NAALADL2: variants seen among roughly 807,000 people sequenced by gnomAD.
NAALADL2 encodes the protein inactive N-acetylated-alpha-linked acidic dipeptidase-like protein 2.
Under a neutral mutation model 87.2 loss-of-function variants are expected in NAALADL2, and 76 were observed. That is an observed-to-expected ratio of 0.87 (90% CI 0.72 to 1.05). The LOEUF (loss-of-function observed/expected upper bound fraction) is 1.05. NAALADL2 is among the 50% of genes least tolerant of loss of function. The probability of loss-of-function intolerance (pLI) is 0.00; values close to 1 mark genes in which losing one functional copy is unlikely to be tolerated. For missense variants in NAALADL2, 1,089 were observed against 945.8 expected, an observed-to-expected ratio of 1.15 and a Z score of -1.99; for synonymous variants, 354 against 331.0, an observed-to-expected ratio of 1.07 and a Z score of -0.75.
At chr3:174,938,987 T>C (rs9854412) in intron 1 of NAALADL2, among the ~76,000 whole-genome samples, 36,455 of 152,092 alleles carry the variant, frequency 0.24, 5,094 homozygotes, top group East Asian at 0.48. Flanking sequence ...TGTACTCTTT[T>C]GCTGTGCAGA....
At chr3:175,083,937 A>G (rs1271385027) in intron 1 of NAALADL2, among the ~76,000 whole-genome samples, 2 of 152,212 alleles carry the variant, frequency 1.3e-5, no homozygotes, top group African/African-American at 4.8e-5. Flanking sequence ...ACAAATTAAG[A>G]ACTGAACCTG....
chr3:175,136,996 A>C (rs1004122838), intron 2 of NAALADL2, among the ~76,000 whole-genome samples: 5 of 151,996 alleles, frequency 3.3e-5, no homozygotes, highest in African/African-American at 1.2e-4. Context: ...CCCTTGATAA[A>C]CCCCCAATTA....
At chr3:175,165,065 C>T (rs752195332) in intron 2 of NAALADL2, among the ~76,000 whole-genome samples, 1 of 152,124 alleles carries the variant, frequency 6.6e-6, no homozygotes, top group Non-Finnish European at 1.5e-5. Flanking sequence ...GGTGAATGTG[C>T]TATATCTGTC....
intron 11 of NAALADL2, chr3:175,676,581 G>A (rs1010821672): frequency 2.6e-5 from 4 of 151,544 alleles, no homozygotes; most frequent in African/African-American, 9.7e-5. Context: ...TAACTTTCTT[G>A]CTTCTGTGTA....
chr3:175,558,819 T>C (rs2149509852), intron 9 of NAALADL2, among the ~76,000 whole-genome samples: 1 of 152,356 alleles, frequency 6.6e-6, no homozygotes, highest in East Asian at 1.9e-4. Flanking sequence ...ATGTTTTCAT[T>C]ACTATAACTC....
chr3:174,902,117 C>T (rs1191142020), intron 1 of NAALADL2, among the ~76,000 whole-genome samples: 4 of 152,116 alleles, frequency 2.6e-5, no homozygotes, highest in African/African-American at 9.7e-5. Flanking sequence ...GTTGCTGATG[C>T]TGCTAGTTTG....
At chr3:174,719,122 C>A (rs1360410537) in intron 2 of NAALADL2, among the ~76,000 whole-genome samples, 1 of 152,154 alleles carries the variant, frequency 6.6e-6, no homozygotes, top group African/African-American at 2.4e-5. Flanking sequence ...TTTGCTCTAA[C>A]ATCCTGTAAT....
chr3:174,537,771 T>C (rs1056965974), intron 1 of NAALADL2, among the ~76,000 whole-genome samples: 3 of 152,184 alleles, frequency 2.0e-5, no homozygotes, highest in Non-Finnish European at 4.4e-5. Context: ...TATTTAAGAA[T>C]TCAGATATAA....
intron 1 of NAALADL2, among the ~76,000 whole-genome samples, chr3:174,944,252 T>A (rs538730906): frequency 6.6e-6 from 1 of 151,936 alleles, no homozygotes; most frequent in South Asian, 2.1e-4. Flanking sequence ...GATTAGGAGG[T>A]CCCACCCAGT....
intron 2 of NAALADL2, among the ~76,000 whole-genome samples, chr3:175,098,681 A>G (rs1423174945): frequency 6.6e-6 from 1 of 152,224 alleles, no homozygotes; most frequent in East Asian, 1.9e-4. Context: ...GCTGCCTGCA[A>G]TATAGGCTGG....
chr3:175,258,056 C>G (rs1003560115), intron 4 of NAALADL2, among the ~76,000 whole-genome samples: 3 of 152,074 alleles, frequency 2.0e-5, no homozygotes, highest in Admixed American at 1.3e-4. Flanking sequence ...CACCTGTAAT[C>G]CCAGCACTTC....
At chr3:174,739,619 T>C (rs889557659) in intron 3 of NAALADL2, among the ~76,000 whole-genome samples, 1 of 152,114 alleles carries the variant, frequency 6.6e-6, no homozygotes, top group African/African-American at 2.4e-5. Context: ...GGTTTTTCCA[T>C]GTGTTAGTAG....
chr3:175,220,105 T>C (rs1743137140), intron 2 of NAALADL2, among the ~76,000 whole-genome samples: 1 of 151,498 alleles, frequency 6.6e-6, no homozygotes, highest in Non-Finnish European at 1.5e-5. Context: ...TGCACTTGTC[T>C]TTTTATATAA....
At chr3:174,981,888 T>A (rs1004264704) in intron 1 of NAALADL2, among the ~76,000 whole-genome samples, 8 of 152,118 alleles carry the variant, frequency 5.3e-5, no homozygotes, top group African/African-American at 1.7e-4. Flanking sequence ...AATTTCCAGG[T>A]AAAATGGTGA....
At chr3:175,276,439 G>A (rs1279232075) in intron 4 of NAALADL2, among the ~76,000 whole-genome samples, 2 of 151,974 alleles carry the variant, frequency 1.3e-5, no homozygotes, top group Non-Finnish European at 2.9e-5. Flanking sequence ...AAGTAGCTGG[G>A]ACTACAGGCA....
intron 10 of NAALADL2, among the ~76,000 whole-genome samples, chr3:175,618,821 AC>A (rs1197256791): frequency 6.6e-6 from 1 of 152,096 alleles, no homozygotes; most frequent in African/African-American, 2.4e-5. Context: ...ACACTTACCT[AC>A]ACCGTGCCCT....
chr3:175,303,265 G>C (rs1757308986), intron 4 of NAALADL2, among the ~76,000 whole-genome samples: 1 of 152,068 alleles, frequency 6.6e-6, no homozygotes, highest in African/African-American at 2.4e-5. Flanking sequence ...GCATTGTTGT[G>C]TAGATTCAAC....
At chr3:174,525,358 A>G (rs926918915) in intron 1 of NAALADL2, among the ~76,000 whole-genome samples, 45 of 152,194 alleles carry the variant, frequency 3.0e-4, no homozygotes, top group Admixed American at 2.9e-3. Context: ...TGCTGAATCT[A>G]CTTCTGGCGA....
At chr3:174,915,179 A>T (rs1253896658) in intron 1 of NAALADL2, among the ~76,000 whole-genome samples, 1 of 152,124 alleles carries the variant, frequency 6.6e-6, no homozygotes, top group African/African-American at 2.4e-5. Flanking sequence ...GGTCAATTGG[A>T]TAGATTATTT....
Sources: gnomAD v4.1 joint callset for allele counts (sites outside exome capture counted in the v4.1 genomes callset) on GRCh38, gnomAD v4.1.1 for gene constraint, MANE v1.5 for transcripts, NCBI Gene and HGNC (gene_info 2026-07-23, HGNC 2026-07-21) for gene names.